The following PRKG1 variants were observed in gnomAD, a reference collection of about 807,000 sequenced individuals.
PRKG1 encodes the protein cGMP-dependent protein kinase 1.
A neutral mutation model predicts 88.1 loss-of-function variants in PRKG1; 35 were observed. The observed-to-expected ratio is 0.40, with a 90% confidence interval of 0.30 to 0.53. The LOEUF (loss-of-function observed/expected upper bound fraction) is 0.53, where lower values mean the gene tolerates loss of function less well. Among genes scored for constraint, PRKG1 ranks in the 20% least tolerant of loss-of-function variants. PRKG1 has a pLI of 0.59. For missense variants in PRKG1, 540 were observed against 839.8 expected (o/e 0.64, Z 4.41); for synonymous variants, 303 against 292.5 (o/e 1.04, Z -0.37).
rs1378737871 is a variant in PRKG1, at chr10:52,154,848, T to C, written c.1002-7041T>C. Among the ~76,000 whole-genome samples the C allele has an allele frequency of 3.3e-5, 5 of 152,152 alleles. No homozygotes were observed. In the East Asian group the frequency reaches 9.6e-4, roughly 29 times the overall value. On this transcript the variant is annotated intron_variant, in intron 8 of 17. Transcript: ENST00000373980. ...AGTGCCTTATGTCATTCTTATGCCTTTGCATTCTCATAGCTTAGCTCCCAA... is the reference window on the plus strand; with the variant it reads ...AGTGCCTTATGTCATTCTTATGCCTCTGCATTCTCATAGCTTAGCTCCCAA...
intron 4 of PRKG1, among the ~76,000 whole-genome samples, chr10:51,901,309 T>C (rs1841973832): frequency 6.6e-6 from 1 of 152,230 alleles, no homozygotes; most frequent in Non-Finnish European, 1.5e-5. Flanking sequence ...ATGATTAGTT[T>C]GTTCTGGTTC....
intron 2 of PRKG1, among the ~76,000 whole-genome samples, chr10:51,408,413 A>G (rs58370823): frequency 0.023 from 3,446 of 152,328 alleles, 87 homozygotes; most frequent in Middle Eastern, 0.058. Context: ...ATGGAATACC[A>G]CAGTGGTGGA....
At chr10:52,150,557 G>A (rs933563070) in intron 8 of PRKG1, among the ~76,000 whole-genome samples, 7 of 152,102 alleles carry the variant, frequency 4.6e-5, no homozygotes, top group African/African-American at 1.4e-4. Context: ...TGACATAAAG[G>A]GATGCATTCA....
At chr10:51,674,695 A>G (rs1840667480) in intron 3 of PRKG1, among the ~76,000 whole-genome samples, 1 of 152,222 alleles carries the variant, frequency 6.6e-6, no homozygotes, top group African/African-American at 2.4e-5. Context: ...TTTCAACTCA[A>G]TGTACTGCTA....
At chr10:51,694,503 G>A (rs1377698670) in intron 3 of PRKG1, among the ~76,000 whole-genome samples, 1 of 152,178 alleles carries the variant, frequency 6.6e-6, no homozygotes, top group Non-Finnish European at 1.5e-5. Context: ...ATCCTAGGAA[G>A]TCAGCAGATA....
chr10:51,938,661 A>G (rs1258311224), intron 5 of PRKG1, among the ~76,000 whole-genome samples: 1 of 151,774 alleles, frequency 6.6e-6, no homozygotes. Context: ...AGACACCTGC[A>G]CATGTGATGT....
intron 1 of PRKG1, among the ~76,000 whole-genome samples, chr10:51,120,599 T>G (rs1264655076): frequency 6.6e-6 from 1 of 152,124 alleles, no homozygotes; most frequent in Non-Finnish European, 1.5e-5. Context: ...GCAATGACCA[T>G]CCAGAAATGA....
chr10:51,222,041 A>AT (rs1474703307), intron 2 of PRKG1, among the ~76,000 whole-genome samples: 2 of 151,126 alleles, frequency 1.3e-5, no homozygotes, highest in East Asian at 1.9e-4. Flanking sequence ...CGCCTGGCTA[A>AT]TTTTTTTGTA....
At chr10:51,174,617 G>A (rs1403971131) in intron 2 of PRKG1, among the ~76,000 whole-genome samples, 1 of 151,968 alleles carries the variant, frequency 6.6e-6, no homozygotes, top group Non-Finnish European at 1.5e-5. Context: ...CCAATATGAT[G>A]CCTGAAAATG....
intron 5 of PRKG1, among the ~76,000 whole-genome samples, chr10:51,916,869 A>G (rs1842352426): frequency 6.6e-6 from 1 of 152,244 alleles, no homozygotes; most frequent in Non-Finnish European, 1.5e-5. Flanking sequence ...GATATATGCT[A>G]CAACATGGAT....
intron 16 of PRKG1, among the ~76,000 whole-genome samples, chr10:52,289,677 T>G (rs1023703519): frequency 8.2e-6 from 1 of 121,676 alleles, no homozygotes; most frequent in Non-Finnish European, 1.9e-5. Flanking sequence ...ACTTTAGTCT[T>G]TTTTGGTTCT....
chr10:52,135,514 G>A (rs1317170807), intron 8 of PRKG1, among the ~76,000 whole-genome samples: 1 of 152,098 alleles, frequency 6.6e-6, no homozygotes, highest in African/African-American at 2.4e-5. Context: ...ATTTGGTTAG[G>A]AGTCTAAATT....
intron 9 of PRKG1, among the ~76,000 whole-genome samples, chr10:52,166,149 T>C (rs937173754): frequency 6.6e-6 from 1 of 152,226 alleles, no homozygotes; most frequent in African/African-American, 2.4e-5. Flanking sequence ...TAAGGTTCAC[T>C]GAATTTTATT....
At chr10:51,840,589 T>G (rs1396923171) in intron 4 of PRKG1, among the ~76,000 whole-genome samples, 1 of 151,714 alleles carries the variant, frequency 6.6e-6, no homozygotes, top group Non-Finnish European at 1.5e-5. Flanking sequence ...TTTTGTCACC[T>G]AGGCTGGAGT....
At position 51,730,151 on chromosome 10, in the gene PRKG1, T is replaced by A. The variant is rs536918853; in HGVS notation, c.593-74434T>A. On this transcript the variant is annotated intron_variant, in intron 3 of 17. Transcript: ENST00000373980. ...AAATCTGAGTCTGAGAATAGAAGTGTTTTCAGTTGTAGTAAAATTGGAGCT... is the reference window on the plus strand; with the variant it reads ...AAATCTGAGTCTGAGAATAGAAGTGATTTCAGTTGTAGTAAAATTGGAGCT... 8.5e-5 allele frequency among the ~76,000 whole-genome samples: 13 copies of A among 152,184 alleles called. No individual in the cohort carries two copies. The East Asian group carries it at 2.4e-3, about 28-fold the overall frequency.
At chr10:52,110,074 C>T (rs774165906) in intron 7 of PRKG1, among the ~76,000 whole-genome samples, 5 of 151,752 alleles carry the variant, frequency 3.3e-5, no homozygotes, top group Non-Finnish European at 5.9e-5. Context: ...GGCCGGGCGC[C>T]GTGGCTCACG....
At chr10:51,065,694 G>A (rs746049098) in intron 1 of PRKG1, among the ~76,000 whole-genome samples, 20 of 152,018 alleles carry the variant, frequency 1.3e-4, no homozygotes, top group Non-Finnish European at 2.9e-4. Flanking sequence ...ATTGTTGACT[G>A]TATTTACTCC....
upstream of PRKG1, among the ~76,000 whole-genome samples, chr10:51,070,250 A>G (rs1843808744): frequency 6.6e-6 from 1 of 152,182 alleles, no homozygotes; most frequent in Admixed American, 6.5e-5. Flanking sequence ...AATATTAATA[A>G]TATTGAACTT....
At chr10:51,115,386 A>ATATATATAT (rs1465710988) in intron 1 of PRKG1, among the ~76,000 whole-genome samples, 2,689 of 70,404 alleles carry the variant, frequency 0.038, 303 homozygotes, top group Non-Finnish European at 0.06. Flanking sequence ...TATATATATA[A>ATATATATAT]AACAAATGTG....
Sources: allele counts gnomAD v4.1 joint callset (sites outside exome capture counted in the v4.1 genomes callset), GRCh38; gene constraint gnomAD v4.1.1; transcripts MANE v1.5; gene names NCBI Gene and HGNC (gene_info 2026-07-23, HGNC 2026-07-21).